GRAMD4: variants seen among roughly 807,000 people sequenced by gnomAD.
GRAMD4 encodes the protein GRAM domain-containing protein 4.
A neutral mutation model predicts 83.9 loss-of-function variants in GRAMD4; 25 were observed. The observed-to-expected ratio is 0.30, with a 90% CI of 0.22 to 0.42. GRAMD4 has a LOEUF of 0.42. Among genes scored for constraint, GRAMD4 ranks in the 10% least tolerant of loss-of-function variants. The probability of loss-of-function intolerance (pLI) is 1.00; values close to 1 mark genes in which losing one functional copy is unlikely to be tolerated. For synonymous variants in GRAMD4, 336 were observed against 320.9 expected, an observed-to-expected ratio of 1.05 and a Z score of -0.50; for missense variants, 593 against 788.7, an observed-to-expected ratio of 0.75 and a Z score of 2.97.
At position 46,658,199 on chromosome 22, in the gene GRAMD4, G is replaced by A. The variant is rs776431817; in HGVS notation, c.296G>A (p.Arg99Gln). The change falls in exon 4 of 19, where the codon CGG (arginine) becomes CAG (glutamine). Residue 99 changes from arginine (R) to glutamine (Q), a missense_variant. Arg to Gln is a conservative substitution (Grantham distance 43). This residue lies in a region of GRAMD4 where 312 missense variants were observed against 350.7 expected (regional missense o/e 0.89). Coordinates refer to ENST00000406902, the MANE Select transcript of GRAMD4 (RefSeq NM_015124.5). ...LEKHFLQEEL[R>Q]KLREETNAEM... ...CTCTCCCCCATAGAGGAGGAGCTCC[G>A]GAAGCTGCGAGAAGAAACCAACGCG... 11 of 1,613,594 alleles carry A rather than the reference G, an allele frequency of 6.8e-6. No individual in the cohort carries two copies. Among genetic ancestry groups the A allele is most frequent in the East Asian group, 2.2e-5 (1 of 44,882 alleles).
In GRAMD4 at chr22:46,601,005, A is replaced by T. The variant is rs555046549; in HGVS notation, c.-50+23715A>T. 2.0e-5 allele frequency among the ~76,000 whole-genome samples: 3 copies of T among 152,206 alleles called. No homozygotes were observed. In the East Asian group the frequency reaches 5.8e-4, roughly 30 times the overall value. The stretch of plus-strand genomic sequence containing the variant: ...CTAAAAATGCAAAAATTAGCCAGAC[A>T]TGGTGGCAGGTGCCTATAGTCCCAG... On this transcript the variant is annotated intron_variant, in intron 1 of 1. Transcript: ENST00000431155.
chr22:46,662,107 C>T (rs960361813), intron 5 of GRAMD4, among the ~76,000 whole-genome samples: 1 of 152,262 alleles, frequency 6.6e-6, no homozygotes, highest in Non-Finnish European at 1.5e-5. Context: ...GGTTCACTTA[C>T]GGCTGGGACG....
chr22:46,662,902 C>T, intron 5 of GRAMD4, 138 bp from the exon 6 acceptor site: 1 of 724,230 alleles, frequency 1.4e-6, no homozygotes, highest in Admixed American at 2.8e-5. Flanking sequence ...TTTCCCTGAC[C>T]TACCCCCGAG....
intron 2 of GRAMD4, among the ~76,000 whole-genome samples, chr22:46,634,142 C>T (rs2081821768): frequency 1.3e-5 from 2 of 152,170 alleles, no homozygotes; most frequent in African/African-American, 4.8e-5. Context: ...TGAAGGTGGG[C>T]CCTGCCGAGG....
At chr22:46,609,381 A>G (rs569597723) in intron 1 of GRAMD4, among the ~76,000 whole-genome samples, 6 of 152,344 alleles carry the variant, frequency 3.9e-5, no homozygotes, top group African/African-American at 1.4e-4. Context: ...GGCTTGGTCC[A>G]TGTGGGAGAG....
rs1056061042 is a variant in GRAMD4 at position 46,622,503 on chromosome 22, G to A, written c.-50+1938G>A. 6.6e-6 allele frequency among the ~76,000 whole-genome samples: 1 copy of A among 152,144 alleles called. No homozygotes were observed. The highest frequency in any genetic ancestry group is 2.4e-5 in the African/African-American group (1 of 41,392). Reference sequence around the variant, plus strand: ...TAAAAATGGTGGTTACCGGGGGCTTGGGGAGGGCATGGGAGTTCCTATTCA... The same window carrying A: ...TAAAAATGGTGGTTACCGGGGGCTTAGGGAGGGCATGGGAGTTCCTATTCA... On this transcript the variant is annotated intron_variant, in intron 1 of 18. Transcript: ENST00000406902. This position sits in a 1 kb window ranked among gnomAD's most constrained non-coding sequence, Gnocchi z 4.0.
intron 13 of GRAMD4, 96 bp downstream of exon 13, chr22:46,669,004 A>G: frequency 5.7e-6 from 4 of 706,748 alleles, no homozygotes; most frequent in Non-Finnish European, 1.0e-5. Context: ...GAGCTGTTAA[A>G]CTCACCTGGC....
chr22:46,628,722 G>GCTGT (rs533464273), intron 2 of GRAMD4, among the ~76,000 whole-genome samples: 80 of 152,230 alleles, frequency 5.3e-4, no homozygotes, highest in African/African-American at 1.9e-3. Flanking sequence ...AGGAGGTAGG[G>GCTGT]CTGTGGGATC....
At position 46,622,993 on chromosome 22, in the gene GRAMD4, A is replaced by G. The variant is rs573635686; in HGVS notation, c.-50+2428A>G. On this transcript the variant is annotated intron_variant, in intron 1 of 18. Coordinates refer to ENST00000406902, the MANE Select transcript of GRAMD4 (RefSeq NM_015124.5). The surrounding 1 kb of genome is among the most constrained non-coding windows in gnomAD (Gnocchi z 4.0). ...TACCGTAATTAAAAAATATTGTGGG[A>G]AAAGAAGTAATAGGGAGGCATTTTA... Among the ~76,000 whole-genome samples, 67 of 152,058 alleles carry G rather than the reference A, an allele frequency of 4.4e-4. 1 individual carries two copies. The highest frequency in any genetic ancestry group is 1.5e-3 in the African/African-American group (62 of 41,458).
At chr22:46,624,761 A>G (rs934889270) in intron 1 of GRAMD4, among the ~76,000 whole-genome samples, 9 of 150,782 alleles carry the variant, frequency 6.0e-5, no homozygotes, top group African/African-American at 2.2e-4. Context: ...AGCAGTTGCT[A>G]CCTCCCCATC....
At position 46,673,733 on chromosome 22, in the gene GRAMD4, G is replaced by A; in HGVS notation, c.1303G>A (p.Asp435Asn). Residue 435 changes from aspartate (D) to asparagine (N), a missense_variant, in exon 15 of 19, where the codon GAC becomes AAC. Asp to Asn is a conservative substitution (Grantham distance 23). Transcript: ENST00000406902. The stretch of plus-strand genomic sequence containing the variant: ...ACCGGCCGGCCTGGGTAAAGAGGAG[G>A]ACGCCGGTCGCTTCCACAGCACCAA... ...SAPAGLGKEE[D>N]AGRFHSTKKG... is the part of the protein sequence containing the mutation. 6.2e-7 allele frequency: 1 copy of A among 1,612,918 alleles called. No individual in the cohort carries two copies. The highest frequency in any genetic ancestry group is 8.5e-7 in the Non-Finnish European group (1 of 1,179,920).
upstream of GRAMD4, among the ~76,000 whole-genome samples, chr22:46,619,412 C>T (rs1378080079): frequency 1.4e-4 from 22 of 152,162 alleles, no homozygotes; most frequent in Admixed American, 1.4e-3. Context: ...TCGTGGTTCA[C>T]CGCAGCCTCA....
In GRAMD4 at chr22:46,678,312, C is replaced by G. The variant is rs1481173792; in HGVS notation, c.*1061C>G. On this transcript the variant is annotated 3_prime_UTR_variant, in exon 19 of 19. Coordinates refer to ENST00000406902, the MANE Select transcript of GRAMD4 (RefSeq NM_015124.5). ...AGCAACCGTGAGCCGAGCCCAGAGG[C>G]CTGGGCCTGCACTGCCTGCAGCCGA... The G allele has an allele frequency of 1.0e-6, 1 of 985,256 alleles. No individual in the cohort carries two copies. Among genetic ancestry groups the G allele is most frequent in the Admixed American group, 6.1e-5 (1 of 16,270 alleles). The allele number at this position is 985,256 out of a possible 1,614,324, so 61.0% of individuals were successfully genotyped here.
At chr22:46,629,377 G>T (rs576692758) in intron 2 of GRAMD4, among the ~76,000 whole-genome samples, 7 of 152,210 alleles carry the variant, frequency 4.6e-5, no homozygotes, top group Non-Finnish European at 8.8e-5. Flanking sequence ...CTTGGAGGGA[G>T]TTGTAATTAT....
intron 4 of GRAMD4, among the ~76,000 whole-genome samples, chr22:46,658,767 C>G (rs933190342): frequency 6.6e-6 from 1 of 152,074 alleles, no homozygotes; most frequent in Non-Finnish European, 1.5e-5. Flanking sequence ...TGTGCGTGTT[C>G]CCATGCCCCC....
chr22:46,577,990 T>C (rs1276313213), intron 1 of GRAMD4, among the ~76,000 whole-genome samples: 1 of 151,982 alleles, frequency 6.6e-6, no homozygotes, highest in African/African-American at 2.4e-5. Context: ...GGAGAGCCAG[T>C]TTGTTCTCAG....
Position 46,677,851 on chromosome 22 carries a change from GCGCTCCACACT to G in GRAMD4, c.*609_*619del, listed in dbSNP as rs2082622008. 7 of 985,500 alleles carry G rather than the reference GCGCTCCACACT, an allele frequency of 7.1e-6. No homozygotes were observed. Among genetic ancestry groups the G allele is most frequent in the Non-Finnish European group, 7.2e-6 (6 of 829,970 alleles). 61.0% of individuals were successfully genotyped at this position (985,500 alleles called of 1,614,324 possible). A position where few individuals can be genotyped will look rare whatever the true frequency, so the allele number is the denominator to read the frequency against. On this transcript the variant is annotated 3_prime_UTR_variant, in exon 19 of 19. Coordinates refer to ENST00000406902, the MANE Select transcript of GRAMD4 (RefSeq NM_015124.5). ...GGGGCCGGGCGCAGTGACCCTGCCT[GCGCTCCACACT>G]CGCTCCACGGGAACAGAGAGGGTGA...
chr22:46,641,932 C>T (rs2081980463), intron 3 of GRAMD4, among the ~76,000 whole-genome samples: 1 of 152,262 alleles, frequency 6.6e-6, no homozygotes, highest in African/African-American at 2.4e-5. Context: ...GGATTCCCCC[C>T]TCATTTTCCA....
chr22:46,641,337 T>C (rs535429090), intron 3 of GRAMD4, among the ~76,000 whole-genome samples: 1 of 152,154 alleles, frequency 6.6e-6, no homozygotes, highest in East Asian at 1.9e-4. Context: ...CCTTCCAAAG[T>C]GTTAGGATTA....
Sources: gnomAD v4.1 joint callset for allele counts (sites outside exome capture counted in the v4.1 genomes callset) on GRCh38, gnomAD v4.1.1 for gene constraint, gnomAD v4.1.1 regional missense constraint, Gnocchi (gnomAD v3.1) non-coding constraint, MANE v1.5 for transcripts, NCBI Gene and HGNC (gene_info 2026-07-23, HGNC 2026-07-21) for gene names.